Variants in STK38 observed in about 807,000 individuals in gnomAD.
STK38 encodes the protein serine/threonine kinase 38, also known as serine/threonine-protein kinase 38.
STK38 carries 26 observed loss-of-function variants against 59.0 expected under a neutral mutation model. That is an observed-to-expected ratio of 0.44 (90% CI 0.32 to 0.61). The LOEUF is 0.61. Ranked by LOEUF, STK38 falls within the 20% of genes least tolerant of loss-of-function variation. The pLI is 0.04. For synonymous variants in STK38, 175 were observed against 176.6 expected, an observed-to-expected ratio of 0.99 and a Z score of 0.07; for missense variants, 433 against 566.0, an observed-to-expected ratio of 0.76 and a Z score of 2.38.
intron 2 of STK38, among the ~76,000 whole-genome samples, chr6:36,538,478 T>C (rs1777850983): frequency 6.6e-6 from 1 of 152,216 alleles, no homozygotes; most frequent in South Asian, 2.1e-4. Context: ...ACCCTTGAAC[T>C]TGTGCATTCC....
rs35789250 is a variant in STK38, at chr6:36,507,930, A to ATTTTT, written c.670-333_670-329dup. Among the ~76,000 whole-genome samples, 442 of 113,202 alleles carry ATTTTT rather than the reference A, an allele frequency of 3.9e-3. 6 individuals are homozygous for ATTTTT. Among genetic ancestry groups the ATTTTT allele is most frequent in the African/African-American group, 6.1e-3 (168 of 27,660 alleles). The allele number at this position is 113,202 out of a possible 152,430, so 74.3% of individuals were successfully genotyped here. A position where few individuals can be genotyped will look rare whatever the true frequency, so the allele number is the denominator to read the frequency against. ...CCTCTGTTTCTATATGGTATTCAGA[A>ATTTTT]TTTTTTTTTTTTTTTTTTTTTGAGA... On this transcript the variant is annotated intron_variant, in intron 7 of 13. Transcript: ENST00000229812.
Position 36,506,626 on chromosome 6 carries a change from G to C in STK38, c.791C>G (p.Ser264Cys). Residue 264 changes from serine (S) to cysteine (C), a missense_variant, in exon 9 of 14, where the codon TCC (serine) becomes TGC (cysteine). Coordinates refer to ENST00000229812, the MANE Select transcript of STK38 (RefSeq NM_007271.4). ...PSDFTFQNMN[S>C]KRKAETWKRN... ...TTTCCAGGTTTCTGCTTTCCTTTTG[G>C]AATTCATGTTCTGGAAAGCTGAAAG... 6.2e-7 allele frequency: 1 copy of C among 1,613,098 alleles called. No homozygotes were observed.
intron 13 of STK38, 110 bp from the exon 14 acceptor site, chr6:36,496,024 C>A: frequency 1.7e-6 from 2 of 1,167,570 alleles, no homozygotes; most frequent in Admixed American, 2.3e-5. Context: ...TTTGGGAAAG[C>A]TTATTTTTCA....
chr6:36,533,170 T>G (rs576800858), intron 2 of STK38, among the ~76,000 whole-genome samples: 1 of 152,160 alleles, frequency 6.6e-6, no homozygotes, highest in South Asian at 2.1e-4. Context: ...CTTAAAGAGA[T>G]GGCGTCTTGT....
chr6:36,537,172 T>C (rs1777813247), intron 2 of STK38, among the ~76,000 whole-genome samples: 2 of 152,150 alleles, frequency 1.3e-5, no homozygotes, highest in Non-Finnish European at 2.9e-5. Context: ...ATAAAAATGT[T>C]CAACATCATT....
chr6:36,533,190 C>G (rs1054042852), intron 2 of STK38, among the ~76,000 whole-genome samples: 2 of 152,090 alleles, frequency 1.3e-5, no homozygotes, highest in Non-Finnish European at 2.9e-5. Context: ...TTCAGTTGCC[C>G]AAGCTGGAGT....
chr6:36,527,230 T>TATATATATA (rs1561986951), intron 2 of STK38, among the ~76,000 whole-genome samples: 3 of 134,418 alleles, frequency 2.2e-5, no homozygotes, highest in African/African-American at 8.6e-5. Context: ...ATATATATAT[T>TATATATATA]TATATGTATA....
At position 36,521,833 on chromosome 6, in the gene STK38, A is replaced by G. The variant is rs754065222; in HGVS notation, c.307-16T>C. ...CAAGCCGTACCTAAAAAGTTATAAA[A>G]GAAATGCCAAGTCAAAAACTCGTAC... On this transcript the variant is annotated splice_polypyrimidine_tract_variant and intron_variant, in intron 4 of 13. Transcript: ENST00000229812. The G allele has an allele frequency of 1.4e-4, 228 of 1,603,014 alleles. 1 individual carries two copies. Among genetic ancestry groups the G allele is most frequent in the Non-Finnish European group, 1.9e-4 (220 of 1,175,736 alleles).
chr6:36,497,759 A>T (rs746417066), intron 12 of STK38, 21 bp downstream of exon 12: 1 of 1,563,644 alleles, frequency 6.4e-7, no homozygotes, highest in Admixed American at 1.8e-5. Context: ...AATAATTCTG[A>T]AAGTGTTTAT....
chr6:36,546,309 T>C (rs1157764632), intron 1 of STK38, among the ~76,000 whole-genome samples: 4 of 152,204 alleles, frequency 2.6e-5, no homozygotes, highest in Non-Finnish European at 5.9e-5. Context: ...ATGAAATGGT[T>C]TGCTATAGCG....
At chr6:36,539,083 AT>A (rs1777869271) in intron 2 of STK38, among the ~76,000 whole-genome samples, 2 of 148,760 alleles carry the variant, frequency 1.3e-5, no homozygotes, top group Non-Finnish European at 3.0e-5. Flanking sequence ...ATTGGGAAAA[AT>A]TTTTTTTTAA....
Position 36,509,602 on chromosome 6 carries a change from C to T in STK38, c.670-2000G>A, listed in dbSNP as rs117619129. Among the ~76,000 whole-genome samples the T allele has an allele frequency of 2.3e-4, 23 of 99,346 alleles. No homozygotes were observed. In the East Asian group the frequency reaches 4.2e-3, roughly 18 times the overall value. The allele number at this position is 99,346 out of a possible 152,430, so 65.2% of individuals were successfully genotyped here. ...AATCGAGGCGCAGGACTGCTCTCTC[C>T]GGAGATGAGGTGGGGGTGGGGGGGT... On this transcript the variant is annotated intron_variant, in intron 7 of 13. Transcript: ENST00000229812.
intron 6 of STK38, among the ~76,000 whole-genome samples, chr6:36,515,825 C>T (rs912496323): frequency 6.6e-6 from 1 of 152,206 alleles, no homozygotes; most frequent in African/African-American, 2.4e-5. Flanking sequence ...TGCTACTTTA[C>T]TTTTCACTTT....
intron 2 of STK38, among the ~76,000 whole-genome samples, chr6:36,533,766 A>AT (rs1455228251): frequency 6.6e-6 from 1 of 152,238 alleles, no homozygotes. Flanking sequence ...TTGCTTTATA[A>AT]TTACAACCCC....
chr6:36,514,141 C>A (rs563843413), intron 7 of STK38, among the ~76,000 whole-genome samples: 1 of 132,080 alleles, frequency 7.6e-6, no homozygotes. Context: ...GGCGACAGAG[C>A]GAGACTCCGT....
rs1178706954 is a variant in STK38, at chr6:36,513,848, T to TAA, written c.669+1488_669+1489dup. The stretch of plus-strand genomic sequence containing the variant: ...GCGAGACCTCATCTCTACTAAAAAT[T>TAA]AAAAAAAAAAAAAAAAAAAAAAAAA... On this transcript the variant is annotated intron_variant, in intron 7 of 13. Transcript: ENST00000229812. 4.1e-3 allele frequency among the ~76,000 whole-genome samples: 259 copies of TAA among 63,726 alleles called. 2 individuals are homozygous for TAA. The highest frequency in any genetic ancestry group is 5.4e-3 in the Non-Finnish European group (185 of 34,568). The allele number at this position is 63,726 out of a possible 152,430, so 41.8% of individuals were successfully genotyped here.
chr6:36,504,183 G>A (rs1019709301), intron 9 of STK38, among the ~76,000 whole-genome samples: 5 of 152,186 alleles, frequency 3.3e-5, no homozygotes, highest in African/African-American at 1.2e-4. Flanking sequence ...GACCAAGATT[G>A]GATGCCTATG....
At chr6:36,511,593 T>C (rs1173169269) in intron 7 of STK38, among the ~76,000 whole-genome samples, 1 of 151,068 alleles carries the variant, frequency 6.6e-6, no homozygotes, top group Non-Finnish European at 1.5e-5. Context: ...CCTGACCTCA[T>C]GATCCACCCA....
Position 36,496,692 on chromosome 6 carries a change from A to T in STK38, c.1267+19T>A, listed in dbSNP as rs758689757. 3 of 1,579,070 alleles carry T rather than the reference A, an allele frequency of 1.9e-6. No individual in the cohort carries two copies. Among genetic ancestry groups the T allele is most frequent in the Non-Finnish European group, 2.6e-6 (3 of 1,148,706 alleles). Reference sequence around the variant, plus strand: ...TAATGTGCTTATAAGGCAGCAGGAGACAATGCTGGTGGTGTTACCTGTTGG... The same window carrying T: ...TAATGTGCTTATAAGGCAGCAGGAGTCAATGCTGGTGGTGTTACCTGTTGG... On this transcript the variant is annotated intron_variant, in intron 13 of 13. Transcript: ENST00000229812.
Sources: allele counts gnomAD v4.1 joint callset (sites outside exome capture counted in the v4.1 genomes callset), GRCh38; gene constraint gnomAD v4.1.1; transcripts MANE v1.5; gene names NCBI Gene and HGNC (gene_info 2026-07-23, HGNC 2026-07-21).